Variants in TEAD3 observed in about 807,000 individuals in gnomAD.
TEAD3 encodes transcriptional enhancer factor TEF-5.
TEAD3 carries 15 observed loss-of-function variants against 55.6 expected under a neutral mutation model. The ratio of observed to expected loss-of-function variants is 0.27; its 90% CI spans 0.18 to 0.42. The LOEUF (loss-of-function observed/expected upper bound fraction) is 0.42. Ranked by LOEUF, TEAD3 falls within the 10% of genes least tolerant of loss-of-function variation. The pLI is 1.00. For missense variants in TEAD3, 407 were observed against 576.8 expected (o/e 0.71, Z 3.01); for synonymous variants, 210 against 232.2 (o/e 0.90, Z 0.87).
chr6:35,487,390 A>G (rs753606485), intron 1 of TEAD3, among the ~76,000 whole-genome samples: 28 of 152,074 alleles, frequency 1.8e-4, no homozygotes, highest in Non-Finnish European at 4.1e-4. Flanking sequence ...CATCTCTACT[A>G]AAAATACAAA....
chr6:35,484,503 C>A lies in TEAD3; in HGVS notation c.267+57G>T, dbSNP rs372713178. ...GGCAGGGTAGGGGCAAGGGGTTGAC[C>A]GGGGCAGCTGAGACAGAGTGTGTGG... is the stretch of plus-strand genomic sequence containing the variant. On this transcript the variant is annotated intron_variant, in intron 3 of 12. Transcript: ENST00000639578. This position sits in a 1 kb window ranked among gnomAD's most constrained non-coding sequence, Gnocchi z 5.8. The A allele has an allele frequency of 5.2e-6, 8 of 1,535,412 alleles. No individual in the cohort carries two copies. Among genetic ancestry groups the A allele is most frequent in the Non-Finnish European group, 7.1e-6 (8 of 1,128,620 alleles).
In TEAD3 at chr6:35,483,637, T is replaced by A. The variant is rs1055051534; in HGVS notation, c.267+923A>T. On this transcript the variant is annotated intron_variant, in intron 3 of 12. Coordinates refer to ENST00000639578, the Ensembl canonical transcript of TEAD3. This position sits in a 1 kb window ranked among gnomAD's most constrained non-coding sequence, Gnocchi z 4.5. ...CCAGCCAGCCCTCTCTAATCCATTG[T>A]CCCGGCTGCTTGAGGGCCTTCCTCA... 6.6e-6 allele frequency among the ~76,000 whole-genome samples: 1 copy of A among 152,154 alleles called. No individual in the cohort carries two copies. The highest frequency in any genetic ancestry group is 6.5e-5 in the Admixed American group (1 of 15,268).
At chr6:35,478,399 C>A (rs913065089) in intron 6 of TEAD3, 35 bp downstream of exon 6, 1 of 1,613,392 alleles carries the variant, frequency 6.2e-7, no homozygotes, top group Admixed American at 1.7e-5. Flanking sequence ...TTACAGCACA[C>A]CCCCACACCA....
chr6:35,490,928 C>T (rs947076094), intron 1 of TEAD3, among the ~76,000 whole-genome samples: 2 of 151,658 alleles, frequency 1.3e-5, no homozygotes, highest in African/African-American at 2.4e-5. Context: ...AACTCTGCCT[C>T]GCTGTGCTGT....
rs936553789 is a variant in TEAD3 at position 35,475,319 on chromosome 6, C to A, written c.1194+17G>T. ...CCTGGCCTGTGGGACTCCCCACGAC[C>A]CCTGCTGCCCCCATACCTGCAGGAT... On this transcript the variant is annotated intron_variant, in intron 12 of 12. Coordinates refer to ENST00000639578, the Ensembl canonical transcript of TEAD3. This position sits in a 1 kb window ranked among gnomAD's most constrained non-coding sequence, Gnocchi z 5.4. 8.7e-6 allele frequency: 14 copies of A among 1,610,992 alleles called. No individual in the cohort carries two copies. In the African/African-American group the frequency reaches 1.6e-4, roughly 18 times the overall value.
chr6:35,480,117 AG>A lies in TEAD3; in HGVS notation c.272del (p.Ser91LeufsTer7). 6.5e-7 allele frequency: 1 copy of A among 1,543,122 alleles called. No individual in the cohort carries two copies. Among genetic ancestry groups the A allele is most frequent in the Non-Finnish European group, 8.8e-7 (1 of 1,142,440 alleles). On this transcript the variant is annotated frameshift_variant, in exon 4 of 13. Transcript: ENST00000639578. LOFTEE classifies it high-confidence loss of function. ...GCCTGGCTAGAACTTGCAAGTGGCT[AG>A]AGACCTGTAGAGAGAGAAAGAAAGA...
At position 35,478,228 on chromosome 6, in the gene TEAD3, G is replaced by A. The variant is rs373776135; in HGVS notation, c.530+47C>T. 293 of 1,609,530 alleles carry A rather than the reference G, an allele frequency of 1.8e-4. 1 individual carries two copies. The highest frequency in any genetic ancestry group is 2.1e-4 in the Middle Eastern group (1 of 4,840). On this transcript the variant is annotated intron_variant, in intron 7 of 12. Transcript: ENST00000639578. Reference sequence around the variant, plus strand: ...CCCAAATGGGAGGGAAGCCCTGTGCGGCTGCCAGGAGGAAGAGGGCGTGGG... The same window carrying A: ...CCCAAATGGGAGGGAAGCCCTGTGCAGCTGCCAGGAGGAAGAGGGCGTGGG...
At chr6:35,480,081 C>A (rs1437478093) in exon 4 of TEAD3, 1 of 1,533,012 alleles carries the variant, frequency 6.5e-7, no homozygotes, top group South Asian at 1.2e-5. Context: ...ACTGAATCTC[C>A]CGAGATTTCC....
At chr6:35,490,293 G>C (rs1039159310) in intron 1 of TEAD3, among the ~76,000 whole-genome samples, 2 of 152,210 alleles carry the variant, frequency 1.3e-5, no homozygotes, top group Admixed American at 6.5e-5. Flanking sequence ...GACAGACTGG[G>C]GGGGCGGGGC....
intron 3 of TEAD3, among the ~76,000 whole-genome samples, chr6:35,480,852 C>T (rs1768252053): frequency 6.6e-6 from 1 of 152,186 alleles, no homozygotes. Flanking sequence ...GTGACTTTTT[C>T]TCACTGGTGT....
rs543918262 is a variant in TEAD3, at chr6:35,490,624, G to A, written c.-49-3913C>T. ...CAGTCGTGGGCAGGCAGCTGCCCCC[G>A]TCTGGGGGCTGGACCGGGGTCTCAG... On this transcript the variant is annotated intron_variant, in intron 1 of 12. Transcript: ENST00000639578. Among the ~76,000 whole-genome samples, 12 of 152,346 alleles carry A rather than the reference G, an allele frequency of 7.9e-5. No individual in the cohort carries two copies. The East Asian group carries it at 9.7e-4, about 12-fold the overall frequency.
intron 1 of TEAD3, among the ~76,000 whole-genome samples, chr6:35,493,529 C>A (rs1246765602): frequency 6.6e-6 from 1 of 152,220 alleles, no homozygotes; most frequent in Non-Finnish European, 1.5e-5. Context: ...GTGTCACCCA[C>A]ACACCGCATA....
In TEAD3 at chr6:35,475,872, TG is replaced by T; in HGVS notation, c.900+46del. 1.3e-6 allele frequency: 2 copies of T among 1,506,088 alleles called. No individual in the cohort carries two copies. The highest frequency in any genetic ancestry group is 8.9e-7 in the Non-Finnish European group (1 of 1,127,982). The allele number at this position is 1,506,088 out of a possible 1,614,324, so 93.3% of individuals were successfully genotyped here. On this transcript the variant is annotated intron_variant, in intron 10 of 12. Coordinates refer to ENST00000639578, the Ensembl canonical transcript of TEAD3. This position sits in a 1 kb window ranked among gnomAD's most constrained non-coding sequence, Gnocchi z 5.4. ...GCAGTGGGCCTGGATGTTGCACCTC[TG>T]GGGTGGGGAAGGGGGCTTGGAGCAG... is the stretch of plus-strand genomic sequence containing the variant.
chr6:35,478,008 A>G (rs1581722427), intron 7 of TEAD3, among the ~76,000 whole-genome samples: 1 of 140,380 alleles, frequency 7.1e-6, no homozygotes, highest in Admixed American at 7.1e-5. Context: ...GCACCACCAC[A>G]CCCAGCTAAT....
rs1768379740 is a variant in TEAD3, at chr6:35,486,356, GC to G, written c.202+104del. 1 of 1,356,782 alleles carries G rather than the reference GC, an allele frequency of 7.4e-7. No individual in the cohort carries two copies. The allele number at this position is 1,356,782 out of a possible 1,614,324, so 84.0% of individuals were successfully genotyped here. On this transcript the variant is annotated intron_variant, in intron 2 of 12. Coordinates refer to ENST00000639578, the Ensembl canonical transcript of TEAD3. The surrounding 1 kb of genome is among the most constrained non-coding windows in gnomAD (Gnocchi z 7.3). ...CACACAGGCTTGCGCGCCCAGACTC[GC>G]CCGGCCAGCGGCTGGCGGCCTCCGA...
At chr6:35,490,564 G>A (rs572614113) in intron 1 of TEAD3, among the ~76,000 whole-genome samples, 1 of 152,332 alleles carries the variant, frequency 6.6e-6, no homozygotes, top group Admixed American at 6.5e-5. Flanking sequence ...AACCACGTGA[G>A]AATGTGCACC....
intron 1 of TEAD3, among the ~76,000 whole-genome samples, chr6:35,490,233 G>A (rs1414033306): frequency 1.3e-5 from 2 of 152,214 alleles, no homozygotes; most frequent in East Asian, 3.9e-4. Flanking sequence ...GCCCCCCGCG[G>A]GAGCACTGTG....
intron 4 of TEAD3, 46 bp from the exon 5 acceptor site, chr6:35,479,362 C>A (rs367739256): frequency 8.4e-5 from 135 of 1,613,084 alleles, no homozygotes; most frequent in African/African-American, 4.1e-4. Context: ...TGTGCAGCAC[C>A]AGGGCTGTGG....
Position 35,475,448 on chromosome 6 carries a change from C to T in TEAD3, c.1082G>A (p.Arg361His), listed in dbSNP as rs199972055. The change falls in exon 12 of 13, where the codon CGT (arginine) becomes CAT (histidine). Residue 361 changes from arginine to histidine, a missense_variant. Physicochemically the swap from Arg to His is conservative, Grantham distance 29. Coordinates refer to ENST00000639578, the Ensembl canonical transcript of TEAD3. This position sits in a 1 kb window ranked among gnomAD's most constrained non-coding sequence, Gnocchi z 5.4. ...CTCGCACATGGGCGAGCGGTGGATA[C>T]GGTACACAAAGCGCCCGTTCTCCAG... 2.0e-5 allele frequency: 33 copies of T among 1,613,866 alleles called. No homozygotes were observed. The highest frequency in any genetic ancestry group is 4.5e-5 in the East Asian group (2 of 44,870).
Sources: gnomAD v4.1 joint callset for allele counts (sites outside exome capture counted in the v4.1 genomes callset) on GRCh38, gnomAD v4.1.1 for gene constraint, Gnocchi (gnomAD v3.1) non-coding constraint, MANE v1.5 for transcripts, NCBI Gene and HGNC (gene_info 2026-07-23, HGNC 2026-07-21) for gene names.